Variants in AFG2A observed in about 807,000 individuals in gnomAD.
The protein encoded by AFG2A is AAA ATPase AFG2A.
the AFG2A span, among the ~76,000 whole-genome samples, chr4:123,051,880 A>C: frequency 0.012 from 1,829 of 151,676 alleles, 41 homozygotes; most frequent in African/African-American, 0.041. Flanking sequence ...TTTATCTTTG[A>C]TCTGTGTGAG....
At chr4:123,261,339 C>T in the AFG2A span, among the ~76,000 whole-genome samples, 1 of 152,130 alleles carries the variant, frequency 6.6e-6, no homozygotes, top group Non-Finnish European at 1.5e-5. Context: ...ACTCAGTGCT[C>T]TGTATCTGCA....
the AFG2A span, among the ~76,000 whole-genome samples, chr4:122,931,536 A>G: frequency 6.6e-6 from 1 of 152,144 alleles, no homozygotes; most frequent in Non-Finnish European, 1.5e-5. Context: ...CACATTTTAC[A>G]TAGATTATAA....
chr4:122,941,529 T>G, the AFG2A span, among the ~76,000 whole-genome samples: 1 of 152,270 alleles, frequency 6.6e-6, no homozygotes, highest in African/African-American at 2.4e-5. Flanking sequence ...TAAGGAAGTT[T>G]TGGGCTGAGA....
At chr4:123,243,363 A>G in the AFG2A span, among the ~76,000 whole-genome samples, 1 of 152,230 alleles carries the variant, frequency 6.6e-6, no homozygotes, top group Non-Finnish European at 1.5e-5. Context: ...TCCATCAGTG[A>G]TAGACTAGAT....
the AFG2A span, among the ~76,000 whole-genome samples, chr4:123,084,036 C>T: frequency 6.6e-6 from 1 of 151,996 alleles, no homozygotes; most frequent in Non-Finnish European, 1.5e-5. Flanking sequence ...TGGGTTTTGG[C>T]AGATTGAAGT....
the AFG2A span, among the ~76,000 whole-genome samples, chr4:123,168,851 A>T: frequency 6.6e-6 from 1 of 152,232 alleles, no homozygotes; most frequent in African/African-American, 2.4e-5. Context: ...TTATATGAGT[A>T]GTTAGAAGCT....
the AFG2A span, among the ~76,000 whole-genome samples, chr4:123,261,510 T>C: frequency 6.6e-6 from 1 of 152,164 alleles, no homozygotes; most frequent in African/African-American, 2.4e-5. Flanking sequence ...AGAGATGATG[T>C]ATACAAGAGG....
the AFG2A span, among the ~76,000 whole-genome samples, chr4:123,025,715 A>G: frequency 6.6e-6 from 1 of 152,302 alleles, no homozygotes; most frequent in Admixed American, 6.5e-5. Context: ...AAAATGTAAA[A>G]CATGACATTC....
At chr4:123,302,510 G>A in the AFG2A span, among the ~76,000 whole-genome samples, 16 of 151,496 alleles carry the variant, frequency 1.1e-4, no homozygotes, top group Admixed American at 5.2e-4. Context: ...GTGTATATGC[G>A]TGTGTATTTT....
chr4:122,974,469 A>T, the AFG2A span, among the ~76,000 whole-genome samples: 1 of 152,146 alleles, frequency 6.6e-6, no homozygotes, highest in Non-Finnish European at 1.5e-5. Flanking sequence ...GTACTGTTTG[A>T]TACAACATGG....
the AFG2A span, chr4:123,028,474 AAC>A: frequency 2.5e-6 from 3 of 1,205,100 alleles, no homozygotes; most frequent in Non-Finnish European, 3.6e-6. Context: ...CCTTTAGGAG[AAC>A]GAATAAAGGC....
At chr4:123,000,352 G>T in the AFG2A span, among the ~76,000 whole-genome samples, 1 of 150,790 alleles carries the variant, frequency 6.6e-6, no homozygotes, top group Admixed American at 6.6e-5. Flanking sequence ...TTGAATAGGA[G>T]TGGTGAGAGA....
the AFG2A span, among the ~76,000 whole-genome samples, chr4:123,083,379 A>G: frequency 2.0e-5 from 3 of 148,532 alleles, no homozygotes; most frequent in Admixed American, 1.4e-4. Context: ...TTTGTCAAAT[A>G]TTTTCTTCAT....
At chr4:123,135,104 A>G in the AFG2A span, among the ~76,000 whole-genome samples, 1 of 152,208 alleles carries the variant, frequency 6.6e-6, no homozygotes, top group African/African-American at 2.4e-5. Context: ...TTGCTTCAAC[A>G]TAAGCAAATC....
the AFG2A span, among the ~76,000 whole-genome samples, chr4:123,019,295 T>TC: frequency 1.3e-5 from 2 of 151,642 alleles, no homozygotes; most frequent in Non-Finnish European, 2.9e-5. Context: ...TTTTTTTTTT[T>TC]ACCAAGTTCT....
chr4:123,263,333 C>A, the AFG2A span, among the ~76,000 whole-genome samples: 73 of 152,218 alleles, frequency 4.8e-4, no homozygotes, highest in South Asian at 9.4e-3. Flanking sequence ...CTATTTGCCC[C>A]CCTTGGCTGG....
the AFG2A span, among the ~76,000 whole-genome samples, chr4:122,981,866 T>C: frequency 1.8e-4 from 28 of 152,138 alleles, no homozygotes; most frequent in Non-Finnish European, 3.4e-4. Context: ...CCTGCCAATT[T>C]ACTGAATTCA....
the AFG2A span, among the ~76,000 whole-genome samples, chr4:123,059,134 T>TA: frequency 7.6e-6 from 1 of 130,926 alleles, no homozygotes; most frequent in Non-Finnish European, 1.6e-5. Flanking sequence ...TTTTCTTTTC[T>TA]TTTTTATTTT....
chr4:123,102,295 G>GGA, the AFG2A span: 22 of 133,670 alleles, frequency 1.6e-4, no homozygotes, highest in African/African-American at 5.0e-4. Flanking sequence ...GTGATTTTCA[G>GGA]AAAAAAAAAA....
Sources: allele counts gnomAD v4.1 joint callset (sites outside exome capture counted in the v4.1 genomes callset), GRCh38; gene constraint gnomAD v4.1.1; transcripts MANE v1.5; gene names NCBI Gene and HGNC (gene_info 2026-07-23, HGNC 2026-07-21).